The following PATJ variants were observed in gnomAD, a reference collection of about 807,000 sequenced individuals.
PATJ encodes the protein PATJ crumbs cell polarity complex component, also known as inaD-like protein.
PATJ carries 190 observed loss-of-function variants against 224.9 expected under a neutral mutation model. That is an observed-to-expected ratio of 0.84 (90% CI 0.75 to 0.95). The LOEUF is 0.95. PATJ is among the 40% of genes least tolerant of loss of function. The pLI is 0.00. For synonymous variants in PATJ, 769 were observed against 820.3 expected, an observed-to-expected ratio of 0.94 and a Z score of 1.07; for missense variants, 2,121 against 2,270.3, an observed-to-expected ratio of 0.93 and a Z score of 1.34.
chr1:61,914,626 G>A lies in PATJ; in HGVS notation c.3532G>A (p.Gly1178Ser), dbSNP rs1056513. ...ACATAACAAGGCCAACAAAATCACC[G>A]GTAACCAGAACCAGGACACCCAAGA... ...NVHNKANKIT[G>S]NQNQDTQEKK... Residue 1178 changes from glycine (G) to serine (S), a missense_variant, in exon 26 of 44, where the codon GGT (glycine) becomes AGT (serine). Physicochemically the swap from Gly to Ser is moderately conservative, Grantham distance 56. Coordinates refer to ENST00000642238, the MANE Select transcript of PATJ (RefSeq NM_001350145.3). 950,492 of 1,560,270 alleles carry A rather than the reference G, an allele frequency of 0.61. 301,583 individuals are homozygous for A. The highest frequency in any genetic ancestry group is 0.65 in the Non-Finnish European group (741,386 of 1,133,662).
chr1:62,155,950 C>T (rs1476690472), intron 43 of PATJ, among the ~76,000 whole-genome samples: 3 of 138,390 alleles, frequency 2.2e-5, no homozygotes, highest in East Asian at 2.5e-4. Context: ...CCCAGCTACT[C>T]GGGAGGCTGA....
intron 39 of PATJ, among the ~76,000 whole-genome samples, chr1:62,125,236 CAAAAAAAAAA>C (rs761278812): frequency 3.6e-5 from 1 of 27,736 alleles, no homozygotes; most frequent in African/African-American, 1.3e-4. Context: ...AACCCTGTCT[CAAAAAAAAAA>C]AAAAAAACAA....
intron 43 of PATJ, among the ~76,000 whole-genome samples, chr1:62,156,761 T>TA (rs1261319369): frequency 1.4e-5 from 2 of 147,980 alleles, no homozygotes; most frequent in East Asian, 2.0e-4. Context: ...ACCAAACATT[T>TA]AAAAATTAGC....
At chr1:61,855,486 G>C (rs1663504580) in intron 17 of PATJ, among the ~76,000 whole-genome samples, 1 of 152,106 alleles carries the variant, frequency 6.6e-6, no homozygotes. Flanking sequence ...CTGCAGCCTT[G>C]ACTTCCTGGG....
chr1:62,090,582 C>T (rs1391748461), intron 33 of PATJ, among the ~76,000 whole-genome samples: 3 of 152,010 alleles, frequency 2.0e-5, no homozygotes, highest in Non-Finnish European at 2.9e-5. Flanking sequence ...TCTTATTAGC[C>T]GGGAAGCCAG....
intron 29 of PATJ, among the ~76,000 whole-genome samples, chr1:62,023,256 C>A (rs1161814779): frequency 6.1e-5 from 9 of 148,712 alleles, no homozygotes; most frequent in African/African-American, 2.2e-4. Context: ...CGCCATTGCA[C>A]TTCAGCCTGG....
At chr1:61,823,185 A>G in intron 15 of PATJ, 106 bp downstream of exon 15, 1 of 1,084,528 alleles carries the variant, frequency 9.2e-7, no homozygotes, top group Non-Finnish European at 1.4e-6. Flanking sequence ...ATGCCAATGT[A>G]ATATGAGCCT....
At chr1:62,096,110 G>A (rs887504436) in intron 33 of PATJ, among the ~76,000 whole-genome samples, 6 of 152,156 alleles carry the variant, frequency 3.9e-5, no homozygotes, top group Non-Finnish European at 7.4e-5. Context: ...ACACTAAATA[G>A]ACCACAAAAA....
intron 17 of PATJ, among the ~76,000 whole-genome samples, chr1:61,842,343 C>T (rs756998429): frequency 2.0e-5 from 3 of 152,156 alleles, no homozygotes; most frequent in Non-Finnish European, 2.9e-5. Flanking sequence ...GGGATTTCAT[C>T]GCTCTGGAAT....
intron 27 of PATJ, among the ~76,000 whole-genome samples, chr1:61,966,952 C>T (rs909004486): frequency 2.0e-5 from 3 of 152,078 alleles, no homozygotes; most frequent in East Asian, 1.9e-4. Context: ...GGGTTTTGGC[C>T]GGCTTCTTTA....
At position 61,823,024 on chromosome 1, in the gene PATJ, C is replaced by T; in HGVS notation, c.1763C>T (p.Ser588Phe). 1 of 1,614,104 alleles carries T rather than the reference C, an allele frequency of 6.2e-7. No homozygotes were observed. Among genetic ancestry groups the T allele is most frequent in the Non-Finnish European group, 8.5e-7 (1 of 1,179,994 alleles). ...CACCATTATATTTCTTCAATTGTTT[C>T]TGGTGGTCCTGTTGATACATTGGGT... is the stretch of plus-strand genomic sequence containing the variant. ...DGHHYISSIV[S>F]GGPVDTLGLL... Residue 588 changes from serine (S) to phenylalanine (F), a missense_variant, in exon 15 of 44, where the codon TCT becomes TTT. Coordinates refer to ENST00000642238, the MANE Select transcript of PATJ (RefSeq NM_001350145.3).
chr1:61,747,203 G>GGGTT (rs35519111), intron 1 of PATJ, among the ~76,000 whole-genome samples: 34,618 of 151,994 alleles, frequency 0.23, 4,586 homozygotes, highest in Non-Finnish European at 0.29. Flanking sequence ...TTCTTCCTTA[G>GGGTT]GGTTTTGTGT....
At chr1:61,874,292 C>T (rs909670911) in intron 20 of PATJ, among the ~76,000 whole-genome samples, 5 of 151,978 alleles carry the variant, frequency 3.3e-5, no homozygotes, top group African/African-American at 9.7e-5. Flanking sequence ...ACTTCTGCCT[C>T]CCAGATTCAA....
chr1:62,065,225 A>G (rs1440087849), intron 31 of PATJ, among the ~76,000 whole-genome samples: 1 of 152,192 alleles, frequency 6.6e-6, no homozygotes, highest in Admixed American at 6.6e-5. Context: ...ACTGTAGTAA[A>G]TGAAGATAAT....
At chr1:62,088,344 A>G (rs1333406657) in intron 33 of PATJ, among the ~76,000 whole-genome samples, 3 of 152,074 alleles carry the variant, frequency 2.0e-5, no homozygotes, top group African/African-American at 4.8e-5. Flanking sequence ...AAACCTACAT[A>G]TGCACTCCAG....
At chr1:62,079,418 T>C (rs1201483964) in intron 31 of PATJ, 32 bp from the exon 32 acceptor site, 8 of 1,281,900 alleles carry the variant, frequency 6.2e-6, no homozygotes, top group Non-Finnish European at 8.0e-6. Context: ...TTCTCCTTTT[T>C]GATATTCATC....
intron 36 of PATJ, among the ~76,000 whole-genome samples, chr1:62,116,923 A>C (rs1664501289): frequency 6.6e-6 from 1 of 152,150 alleles, no homozygotes; most frequent in African/African-American, 2.4e-5. Context: ...TACTTGTGAG[A>C]ATTCTAAGTA....
At chr1:61,753,448 A>T (rs553040861) in intron 1 of PATJ, among the ~76,000 whole-genome samples, 1 of 152,104 alleles carries the variant, frequency 6.6e-6, no homozygotes, top group Non-Finnish European at 1.5e-5. Context: ...CATTCTTGTG[A>T]AGTACTGGGA....
At chr1:62,116,732 A>G (rs1664485786) in intron 36 of PATJ, 53 bp downstream of exon 36, 1 of 1,549,196 alleles carries the variant, frequency 6.5e-7, no homozygotes, top group Admixed American at 2.0e-5. Flanking sequence ...GTCCAGTGGG[A>G]ACTGTTCCAG....
Sources: allele counts gnomAD v4.1 joint callset (sites outside exome capture counted in the v4.1 genomes callset), GRCh38; gene constraint gnomAD v4.1.1; transcripts MANE v1.5; gene names NCBI Gene and HGNC (gene_info 2026-07-23, HGNC 2026-07-21).